The following PAX7 variants were observed in gnomAD, a reference collection of about 807,000 sequenced individuals.
PAX7 encodes paired box 7.
A neutral mutation model predicts 50.7 loss-of-function variants in PAX7; 18 were observed. That is an observed-to-expected ratio of 0.36 (90% CI 0.25 to 0.53). The LOEUF is 0.53. Ranked by LOEUF, PAX7 falls within the 20% of genes least tolerant of loss-of-function variation. The pLI is 0.93. For synonymous variants in PAX7, 310 were observed against 290.4 expected, an observed-to-expected ratio of 1.07 and a Z score of -0.69; for missense variants, 644 against 702.9, an observed-to-expected ratio of 0.92 and a Z score of 0.95.
chr1:18,665,159 G>C (rs1052879418), intron 4 of PAX7, among the ~76,000 whole-genome samples: 1 of 152,114 alleles, frequency 6.6e-6, no homozygotes, highest in Non-Finnish European at 1.5e-5. Context: ...CTCAGTAAAG[G>C]TTAGCAGCTT....
At chr1:18,660,708 T>C (rs539735061) in intron 4 of PAX7, among the ~76,000 whole-genome samples, 90 of 152,056 alleles carry the variant, frequency 5.9e-4, no homozygotes, top group Non-Finnish European at 9.4e-4. Flanking sequence ...GGCAGGGCTA[T>C]AAACAAGCCT....
rs762171632 is a variant in PAX7 at position 18,735,984 on chromosome 1, T to C, written c.1402+106T>C. On this transcript the variant is annotated intron_variant, in intron 8 of 8. Coordinates refer to ENST00000420770, the MANE Select transcript of PAX7 (RefSeq NM_001135254.2). The surrounding 1 kb of genome is among the most constrained non-coding windows in gnomAD (Gnocchi z 4.0). ...TACAAGGTGGTGTCAGGGTGGGGAA[T>C]GTCCATTTCACAGATGGAAAAATTG... 9.3e-6 allele frequency: 15 copies of C among 1,612,858 alleles called. No individual in the cohort carries two copies. The highest frequency in any genetic ancestry group is 1.3e-5 in the Non-Finnish European group (15 of 1,179,366).
At chr1:18,705,616 A>G (rs1233762773) in intron 7 of PAX7, among the ~76,000 whole-genome samples, 1 of 152,206 alleles carries the variant, frequency 6.6e-6, no homozygotes, top group Non-Finnish European at 1.5e-5. Flanking sequence ...AGAGAGACTT[A>G]GCAAAGAAGG....
chr1:18,714,201 C>T (rs376381909), intron 7 of PAX7, among the ~76,000 whole-genome samples: 4 of 74,886 alleles, frequency 5.3e-5, no homozygotes, highest in African/African-American at 1.7e-4. Context: ...AATGAGGCTC[C>T]GTCTCAAATA....
intron 5 of PAX7, 132 bp downstream of exon 5, chr1:18,692,085 A>C (rs888291858): frequency 4.1e-6 from 3 of 730,060 alleles, no homozygotes; most frequent in Non-Finnish European, 6.7e-6. Context: ...TGTGTAGGCA[A>C]GTAATGCCAC....
At chr1:18,665,018 T>C (rs2088648446) in intron 4 of PAX7, among the ~76,000 whole-genome samples, 1 of 152,148 alleles carries the variant, frequency 6.6e-6, no homozygotes, top group African/African-American at 2.4e-5. Context: ...TGTGTGTCCT[T>C]AGGAAGATGA....
intron 7 of PAX7, among the ~76,000 whole-genome samples, chr1:18,719,554 G>A (rs2236821): frequency 0.3 from 45,461 of 152,240 alleles, 7,992 homozygotes; most frequent in Non-Finnish European, 0.39. Flanking sequence ...TTAAGGTCCC[G>A]TGAGGGCCCT....
intron 5 of PAX7, among the ~76,000 whole-genome samples, chr1:18,699,328 C>A (rs2282701): frequency 0.15 from 22,685 of 152,028 alleles, 2,561 homozygotes; most frequent in African/African-American, 0.31. Context: ...CTGAACCCAC[C>A]TTAGATGCGG....
At chr1:18,714,428 T>C (rs1302223864) in intron 7 of PAX7, among the ~76,000 whole-genome samples, 1 of 152,158 alleles carries the variant, frequency 6.6e-6, no homozygotes, top group Non-Finnish European at 1.5e-5. Flanking sequence ...TAGTAAGAGC[T>C]TAAGACAATG....
chr1:18,645,575 C>T (rs1557506367), intron 4 of PAX7, among the ~76,000 whole-genome samples: 2 of 152,176 alleles, frequency 1.3e-5, no homozygotes, highest in East Asian at 1.9e-4. Context: ...GCTACGGCTG[C>T]GGGCTCCAAT....
At chr1:18,682,036 C>A (rs1442034447) in intron 4 of PAX7, among the ~76,000 whole-genome samples, 1 of 152,128 alleles carries the variant, frequency 6.6e-6, no homozygotes, top group Non-Finnish European at 1.5e-5. Flanking sequence ...CTATGTCCGG[C>A]CGGGCTTAGA....
intron 4 of PAX7, among the ~76,000 whole-genome samples, chr1:18,671,199 A>T (rs1244755360): frequency 6.6e-6 from 1 of 152,166 alleles, no homozygotes; most frequent in African/African-American, 2.4e-5. Flanking sequence ...AGAGGACTAG[A>T]ATATTCTGGG....
chr1:18,644,294 G>T (rs906003443), intron 4 of PAX7, among the ~76,000 whole-genome samples: 1 of 152,188 alleles, frequency 6.6e-6, no homozygotes, highest in African/African-American at 2.4e-5. Context: ...AAAGTGCATC[G>T]TGGTCGAGGT....
chr1:18,647,303 A>G (rs1025158939), intron 4 of PAX7, among the ~76,000 whole-genome samples: 1 of 152,108 alleles, frequency 6.6e-6, no homozygotes, highest in Non-Finnish European at 1.5e-5. Flanking sequence ...CAGCCGTTGG[A>G]CAGTCTGTCG....
chr1:18,738,242 G>T (rs1364862028), intron 8 of PAX7, among the ~76,000 whole-genome samples: 1 of 152,150 alleles, frequency 6.6e-6, no homozygotes. Flanking sequence ...GGGTCCCAGG[G>T]TGACCTCCTG....
intron 4 of PAX7, among the ~76,000 whole-genome samples, chr1:18,684,097 T>C (rs1366535856): frequency 9.2e-5 from 14 of 151,926 alleles, no homozygotes; most frequent in African/African-American, 2.9e-4. Context: ...CACCAGGCCA[T>C]GAGGAGGGTG....
At chr1:18,659,043 C>T (rs1442945119) in intron 4 of PAX7, among the ~76,000 whole-genome samples, 2 of 151,938 alleles carry the variant, frequency 1.3e-5, no homozygotes, top group Non-Finnish European at 2.9e-5. Flanking sequence ...TATGTGTGTG[C>T]ATATGTATTT....
chr1:18,724,305 G>A (rs1223018725), intron 7 of PAX7, among the ~76,000 whole-genome samples: 1 of 152,126 alleles, frequency 6.6e-6, no homozygotes, highest in Non-Finnish European at 1.5e-5. Context: ...AGTGGCTAAG[G>A]CTGGCAGCAG....
intron 7 of PAX7, among the ~76,000 whole-genome samples, chr1:18,727,746 G>A: frequency 6.6e-6 from 1 of 152,198 alleles, no homozygotes; most frequent in East Asian, 1.9e-4. Flanking sequence ...CAAATGAGAG[G>A]GAACCAGGAG....
Sources: allele counts gnomAD v4.1 joint callset (sites outside exome capture counted in the v4.1 genomes callset), GRCh38; gene constraint gnomAD v4.1.1; non-coding constraint Gnocchi (gnomAD v3.1); transcripts MANE v1.5; gene names NCBI Gene and HGNC (gene_info 2026-07-23, HGNC 2026-07-21).